NRG3: variants seen among roughly 807,000 people sequenced by gnomAD.
The protein encoded by NRG3 is pro-neuregulin-3, membrane-bound isoform.
NRG3 carries 31 observed loss-of-function variants against 66.9 expected under a neutral mutation model. The ratio of observed to expected loss-of-function variants is 0.46; its 90% CI spans 0.35 to 0.63. The LOEUF (loss-of-function observed/expected upper bound fraction) is 0.63, where lower values mean the gene tolerates loss of function less well. Among genes scored for constraint, NRG3 ranks in the 20% least tolerant of loss-of-function variants. The pLI, the probability that NRG3 is intolerant of heterozygous loss-of-function variation, is 0.00. For missense variants in NRG3, 910 were observed against 878.9 expected (o/e 1.04, Z -0.45); for synonymous variants, 393 against 359.4 (o/e 1.09, Z -1.06).
Position 82,592,818 on chromosome 10 carries a change from G to A in NRG3, c.954-145759G>A, listed in dbSNP as rs75602376. Among the ~76,000 whole-genome samples the A allele has an allele frequency of 4.4e-3, 664 of 152,298 alleles. 10 individuals carry two copies. Among genetic ancestry groups the A allele is most frequent in the African/African-American group, 0.015 (626 of 41,564 alleles). On this transcript the variant is annotated intron_variant, in intron 2 of 8. Transcript: ENST00000372141. ...TGGACATATATCTAAATGTGTATAT[G>A]TTGAGGGATTGTCAGCTGGGACAGG...
At chr10:82,969,150 C>A (rs1282382890) in intron 6 of NRG3, among the ~76,000 whole-genome samples, 1 of 152,258 alleles carries the variant, frequency 6.6e-6, no homozygotes, top group Middle Eastern at 3.4e-3. Flanking sequence ...CAGCTCTCTG[C>A]AGTTGCTGAA....
At chr10:81,995,158 G>T (rs1436297672) in intron 1 of NRG3, among the ~76,000 whole-genome samples, 1 of 151,856 alleles carries the variant, frequency 6.6e-6, no homozygotes, top group East Asian at 1.9e-4. Context: ...TTTAACCCTT[G>T]GTGTTTTCCA....
chr10:82,489,492 G>A (rs896937065), intron 2 of NRG3, among the ~76,000 whole-genome samples: 2 of 152,142 alleles, frequency 1.3e-5, no homozygotes, highest in Admixed American at 1.3e-4. Flanking sequence ...GGCAAAGGCT[G>A]AGGCAGCAAT....
intron 2 of NRG3, among the ~76,000 whole-genome samples, chr10:82,652,050 A>G (rs601285): frequency 0.87 from 132,614 of 152,178 alleles, 57,885 homozygotes; most frequent in Middle Eastern, 0.92. Context: ...CTGCTTTGGC[A>G]CCAGCAGGGG....
intron 1 of NRG3, among the ~76,000 whole-genome samples, chr10:82,261,042 G>A (rs552787154): frequency 4.6e-5 from 7 of 152,238 alleles, no homozygotes. Flanking sequence ...CTCTCTTGCA[G>A]TTCACATGAG....
At chr10:82,541,588 C>T (rs2043545233) in intron 2 of NRG3, among the ~76,000 whole-genome samples, 2 of 152,194 alleles carry the variant, frequency 1.3e-5, no homozygotes, top group Admixed American at 1.3e-4. Context: ...CTTTTCCATA[C>T]AATGTCTGGA....
chr10:82,123,865 C>T (rs544965727), intron 1 of NRG3, among the ~76,000 whole-genome samples: 60 of 150,050 alleles, frequency 4.0e-4, no homozygotes, highest in African/African-American at 1.4e-3. Context: ...CAGCAATTGG[C>T]ATTAGTTTCT....
At chr10:82,885,695 C>T (rs1037261741) in intron 4 of NRG3, among the ~76,000 whole-genome samples, 4 of 152,106 alleles carry the variant, frequency 2.6e-5, no homozygotes, top group Non-Finnish European at 5.9e-5. Flanking sequence ...AATTGTAGGC[C>T]ATCTTTGGGG....
At chr10:82,855,603 G>T (rs2063763796) in intron 3 of NRG3, among the ~76,000 whole-genome samples, 3 of 152,036 alleles carry the variant, frequency 2.0e-5, no homozygotes, top group South Asian at 4.1e-4. Context: ...TAGTTATGTT[G>T]TCCAGGCAGG....
chr10:82,735,617 T>G (rs1463208694), intron 2 of NRG3, among the ~76,000 whole-genome samples: 2 of 152,154 alleles, frequency 1.3e-5, no homozygotes, highest in African/African-American at 4.8e-5. Context: ...GGGACATGGA[T>G]GAAGCTAGAA....
At chr10:82,970,590 C>A (rs1485404777) in intron 6 of NRG3, among the ~76,000 whole-genome samples, 3 of 151,924 alleles carry the variant, frequency 2.0e-5, no homozygotes, top group Admixed American at 1.3e-4. Flanking sequence ...CATTTTTTTC[C>A]AGTTGATTTC....
chr10:81,962,013 A>G (rs969649961), intron 1 of NRG3, among the ~76,000 whole-genome samples: 3 of 152,216 alleles, frequency 2.0e-5, no homozygotes, highest in African/African-American at 7.2e-5. Context: ...GATGCCCTTC[A>G]GCCCTATTAA....
chr10:82,599,529 A>C (rs1157417429), intron 2 of NRG3, among the ~76,000 whole-genome samples: 2 of 152,200 alleles, frequency 1.3e-5, no homozygotes, highest in Non-Finnish European at 2.9e-5. Flanking sequence ...TAAAGAACTA[A>C]TCAGGCCGGG....
intron 1 of NRG3, among the ~76,000 whole-genome samples, chr10:82,060,260 G>A (rs1049074791): frequency 6.6e-5 from 10 of 152,196 alleles, no homozygotes; most frequent in Non-Finnish European, 1.3e-4. Context: ...ATAAGGACAA[G>A]CACAATGTAG....
intron 2 of NRG3, among the ~76,000 whole-genome samples, chr10:82,420,616 G>T (rs950788451): frequency 1.3e-5 from 2 of 152,070 alleles, no homozygotes; most frequent in Non-Finnish European, 2.9e-5. Context: ...CATTTTGGCT[G>T]TTTAATACAC....
chr10:82,281,982 T>G (rs2079145597), intron 1 of NRG3, among the ~76,000 whole-genome samples: 1 of 152,168 alleles, frequency 6.6e-6, no homozygotes, highest in South Asian at 2.1e-4. Context: ...TGGACATCCT[T>G]TGTTTTATTT....
At chr10:81,922,692 T>A (rs2132886531) in intron 1 of NRG3, among the ~76,000 whole-genome samples, 1 of 152,358 alleles carries the variant, frequency 6.6e-6, no homozygotes, top group Non-Finnish European at 1.5e-5. Context: ...CAGTTGATGC[T>A]AGATTCTTGA....
intron 2 of NRG3, among the ~76,000 whole-genome samples, chr10:82,447,883 C>T (rs1045887613): frequency 3.9e-5 from 6 of 152,210 alleles, no homozygotes; most frequent in Admixed American, 6.5e-5. Context: ...TTGATGTTCA[C>T]ACTCATTCCT....
At chr10:82,577,253 T>C (rs1391341060) in intron 2 of NRG3, among the ~76,000 whole-genome samples, 1 of 151,780 alleles carries the variant, frequency 6.6e-6, no homozygotes, top group East Asian at 1.9e-4. Context: ...CTCTGCATTT[T>C]ATTACAGGAG....
Sources: allele counts gnomAD v4.1 joint callset (sites outside exome capture counted in the v4.1 genomes callset), GRCh38; gene constraint gnomAD v4.1.1; transcripts MANE v1.5; gene names NCBI Gene and HGNC (gene_info 2026-07-23, HGNC 2026-07-21).